CUX2: variants seen among roughly 807,000 people sequenced by gnomAD.
CUX2 encodes homeobox protein cut-like 2.
A neutral mutation model predicts 144.8 loss-of-function variants in CUX2; 40 were observed. The observed-to-expected ratio is 0.28, with a 90% CI of 0.21 to 0.36. CUX2 has a LOEUF of 0.36. Ranked by LOEUF, CUX2 falls within the 10% of genes least tolerant of loss-of-function variation. CUX2 has a pLI of 1.00. For missense variants in CUX2, 1,615 were observed against 1,994.0 expected, an observed-to-expected ratio of 0.81 and a Z score of 3.62; for synonymous variants, 827 against 875.6, an observed-to-expected ratio of 0.94 and a Z score of 0.98.
intron 1 of CUX2, among the ~76,000 whole-genome samples, chr12:111,067,567 A>G (rs1304330945): frequency 6.6e-6 from 1 of 152,174 alleles, no homozygotes; most frequent in Non-Finnish European, 1.5e-5. Context: ...GTTCAGACCG[A>G]GTTTCTGCCA....
intron 3 of CUX2, among the ~76,000 whole-genome samples, chr12:111,244,827 G>T (rs1441681972): frequency 2.0e-5 from 3 of 152,132 alleles, no homozygotes; most frequent in African/African-American, 7.2e-5. Context: ...CCATGTCATT[G>T]GTCATTAATG....
intron 1 of CUX2, among the ~76,000 whole-genome samples, chr12:111,049,014 C>G (rs908454542): frequency 1.3e-5 from 2 of 152,122 alleles, no homozygotes; most frequent in African/African-American, 2.4e-5. Context: ...TAAATCTGCT[C>G]TCTCATCCAC....
chr12:111,204,746 G>C (rs1880812241), intron 1 of CUX2, among the ~76,000 whole-genome samples: 1 of 152,182 alleles, frequency 6.6e-6, no homozygotes, highest in Non-Finnish European at 1.5e-5. Flanking sequence ...CACTGGGAGA[G>C]GGAAATGAAC....
chr12:111,170,334 C>T (rs1320227933), intron 1 of CUX2, among the ~76,000 whole-genome samples: 1 of 151,516 alleles, frequency 6.6e-6, no homozygotes, highest in East Asian at 2.0e-4. Context: ...GAAGTTGAGG[C>T]AGGAGAATCA....
At chr12:111,083,739 T>A (rs1872035922) in intron 1 of CUX2, among the ~76,000 whole-genome samples, 1 of 151,814 alleles carries the variant, frequency 6.6e-6, no homozygotes, top group Middle Eastern at 3.2e-3. Flanking sequence ...AGATGACAGC[T>A]GGCACTGAGA....
chr12:111,316,053 CT>C (rs1224766362), intron 16 of CUX2, among the ~76,000 whole-genome samples: 5 of 150,458 alleles, frequency 3.3e-5, no homozygotes, highest in Non-Finnish European at 5.9e-5. Context: ...ACTTTTTGTG[CT>C]TTTTTTTGCA....
intron 1 of CUX2, among the ~76,000 whole-genome samples, chr12:111,086,114 A>T (rs1872199215): frequency 1.3e-5 from 2 of 152,192 alleles, no homozygotes; most frequent in African/African-American, 4.8e-5. Flanking sequence ...CACTCTGATG[A>T]TGGTCATAGT....
At chr12:111,333,397 T>C (rs1888204822) in intron 18 of CUX2, among the ~76,000 whole-genome samples, 1 of 152,124 alleles carries the variant, frequency 6.6e-6, no homozygotes, top group Admixed American at 6.6e-5. Flanking sequence ...ATGAATTAAT[T>C]AAATAAAATA....
intron 1 of CUX2, among the ~76,000 whole-genome samples, chr12:111,175,515 C>G (rs1363995953): frequency 6.6e-6 from 1 of 152,100 alleles, no homozygotes; most frequent in African/African-American, 2.4e-5. Context: ...TAGAGCAGCA[C>G]CCCATGCCTT....
intron 1 of CUX2, among the ~76,000 whole-genome samples, chr12:111,090,871 A>G (rs945770874): frequency 4.0e-5 from 6 of 151,730 alleles, no homozygotes; most frequent in Non-Finnish European, 7.4e-5. Flanking sequence ...TCTCCTTCTC[A>G]TCTCAGGAGA....
At chr12:111,311,988 T>A (rs933317825) in intron 15 of CUX2, 112 bp from the exon 16 acceptor site, 1 of 763,344 alleles carries the variant, frequency 1.3e-6, no homozygotes, top group Non-Finnish European at 2.1e-6. Context: ...ATCTCACTGA[T>A]GGTCTGACCC....
At chr12:111,248,484 G>A (rs1883392106) in intron 3 of CUX2, among the ~76,000 whole-genome samples, 1 of 152,122 alleles carries the variant, frequency 6.6e-6, no homozygotes, top group South Asian at 2.1e-4. Context: ...GGGAGGAGGT[G>A]GATGCTGCCT....
Position 111,267,518 on chromosome 12 carries a change from C to T in CUX2, c.301+3679C>T, listed in dbSNP as rs551166102. ...TCTCATCATGTATAACAAATATTTC[C>T]AGACTCTGCTCCGTGTGACAAGCTG... On this transcript the variant is annotated intron_variant, in intron 4 of 21. Transcript: ENST00000261726. Among the ~76,000 whole-genome samples, 11 of 152,266 alleles carry T rather than the reference C, an allele frequency of 7.2e-5. No individual in the cohort carries two copies. In the South Asian group the frequency reaches 2.3e-3, roughly 32 times the overall value.
At chr12:111,242,515 C>A (rs1272931358) in intron 3 of CUX2, among the ~76,000 whole-genome samples, 1 of 152,100 alleles carries the variant, frequency 6.6e-6, no homozygotes, top group South Asian at 2.1e-4. Context: ...GATCTGTGTT[C>A]CTAGATTAGA....
At chr12:111,120,068 A>T (rs1052406137) in intron 1 of CUX2, among the ~76,000 whole-genome samples, 156 of 152,088 alleles carry the variant, frequency 1.0e-3, no homozygotes, top group Non-Finnish European at 1.7e-3. Context: ...AAAAAAAAAA[A>T]TTTTTTTTAA....
chr12:111,229,528 CCA>C (rs2136242819), intron 3 of CUX2, among the ~76,000 whole-genome samples: 1 of 152,246 alleles, frequency 6.6e-6, no homozygotes, highest in Admixed American at 6.5e-5. Flanking sequence ...GTCTCCTGTT[CCA>C]TAAAATGGGT....
At chr12:111,144,529 G>T (rs572833752) in intron 1 of CUX2, among the ~76,000 whole-genome samples, 3 of 152,262 alleles carry the variant, frequency 2.0e-5, no homozygotes, top group East Asian at 3.9e-4. Context: ...CTGGGTTTGT[G>T]GGGGGCTTCT....
At chr12:111,065,353 A>T (rs1317669913) in intron 1 of CUX2, among the ~76,000 whole-genome samples, 1 of 152,232 alleles carries the variant, frequency 6.6e-6, no homozygotes, top group Non-Finnish European at 1.5e-5. Flanking sequence ...TGTTTGTTTG[A>T]GACGGAGTCT....
At chr12:111,056,531 TCA>T (rs1870537288) in intron 1 of CUX2, among the ~76,000 whole-genome samples, 1 of 152,238 alleles carries the variant, frequency 6.6e-6, no homozygotes, top group Non-Finnish European at 1.5e-5. Context: ...TTGGGCTTCC[TCA>T]CAGCATGGTG....
Sources: allele counts gnomAD v4.1 joint callset (sites outside exome capture counted in the v4.1 genomes callset), GRCh38; gene constraint gnomAD v4.1.1; transcripts MANE v1.5; gene names NCBI Gene and HGNC (gene_info 2026-07-23, HGNC 2026-07-21).